Variants in FILIP1 observed in about 807,000 individuals in gnomAD.
FILIP1 encodes filamin-A-interacting protein 1.
FILIP1 carries 61 observed loss-of-function variants against 102.1 expected under a neutral mutation model. The observed-to-expected ratio is 0.60, with a 90% confidence interval of 0.49 to 0.74. FILIP1 has a LOEUF of 0.74. Ranked by LOEUF, FILIP1 falls within the 30% of genes least tolerant of loss-of-function variation. The pLI is 0.00. For missense variants in FILIP1, 1,314 were observed against 1,441.2 expected (o/e 0.91, Z 1.43); for synonymous variants, 491 against 526.9 (o/e 0.93, Z 0.93).
chr6:75,368,149 G>A (rs529725782), intron 2 of FILIP1, among the ~76,000 whole-genome samples: 3 of 152,290 alleles, frequency 2.0e-5, no homozygotes, highest in African/African-American at 7.2e-5. Flanking sequence ...TGGAGGTGTA[G>A]GGAGGCCAAG....
chr6:75,330,879 A>G (rs1171903169), intron 4 of FILIP1, among the ~76,000 whole-genome samples: 3 of 152,198 alleles, frequency 2.0e-5, no homozygotes, highest in African/African-American at 7.2e-5. Flanking sequence ...AAGGACCTGC[A>G]TTATGGACTC....
At chr6:75,466,576 C>T (rs541982815) in intron 1 of FILIP1, among the ~76,000 whole-genome samples, 1 of 152,320 alleles carries the variant, frequency 6.6e-6, no homozygotes, top group South Asian at 2.1e-4. Context: ...GACCCATATT[C>T]TGTCTTCTGT....
downstream of FILIP1, among the ~76,000 whole-genome samples, chr6:75,303,352 AG>A (rs1772895814): frequency 6.6e-6 from 1 of 152,246 alleles, no homozygotes; most frequent in African/African-American, 2.4e-5. Context: ...CTTGTAGAGC[AG>A]GAACATGGCT....
intron 5 of FILIP1, among the ~76,000 whole-genome samples, chr6:75,309,159 A>G (rs1773093134): frequency 6.6e-6 from 1 of 152,090 alleles, no homozygotes; most frequent in South Asian, 2.1e-4. Context: ...CTTACTGAAG[A>G]TGGCCTTAAC....
intron 1 of FILIP1, among the ~76,000 whole-genome samples, chr6:75,462,511 T>C (rs1779053994): frequency 6.6e-6 from 1 of 152,132 alleles, no homozygotes; most frequent in South Asian, 2.1e-4. Flanking sequence ...TAAATCTTGC[T>C]GATAATAAAA....
intron 4 of FILIP1, among the ~76,000 whole-genome samples, chr6:75,337,526 T>C (rs988182534): frequency 5.3e-5 from 8 of 152,096 alleles, no homozygotes; most frequent in African/African-American, 1.9e-4. Flanking sequence ...CAATGCAATA[T>C]GCTTTCATCT....
intron 1 of FILIP1, among the ~76,000 whole-genome samples, chr6:75,442,657 G>A (rs1270978764): frequency 6.6e-6 from 1 of 152,254 alleles, no homozygotes; most frequent in Non-Finnish European, 1.5e-5. Flanking sequence ...GGCAGGCTGA[G>A]GCAGGAGAAT....
chr6:75,385,353 T>G (rs906472023), intron 2 of FILIP1, among the ~76,000 whole-genome samples: 20 of 152,124 alleles, frequency 1.3e-4, no homozygotes, highest in African/African-American at 4.8e-4. Context: ...TAAGAAGCAT[T>G]TGAATGCTAT....
intron 2 of FILIP1, among the ~76,000 whole-genome samples, chr6:75,374,289 A>G (rs1775675828): frequency 6.6e-6 from 1 of 152,200 alleles, no homozygotes; most frequent in African/African-American, 2.4e-5. Flanking sequence ...CTATGCTGAT[A>G]AAGACCTTAG....
chr6:75,348,015 C>T (rs1774650084), intron 4 of FILIP1, among the ~76,000 whole-genome samples: 2 of 151,154 alleles, frequency 1.3e-5, no homozygotes, highest in East Asian at 1.9e-4. Flanking sequence ...GTTTTAAAAT[C>T]TCTATCTACA....
At chr6:75,378,565 AG>A (rs1365321412) in intron 2 of FILIP1, among the ~76,000 whole-genome samples, 1 of 152,144 alleles carries the variant, frequency 6.6e-6, no homozygotes, top group Non-Finnish European at 1.5e-5. Flanking sequence ...TTGTGACTGG[AG>A]GGGGTTATGT....
intron 4 of FILIP1, among the ~76,000 whole-genome samples, 197 bp from the exon 5 acceptor site, chr6:75,315,399 G>C (rs757888492): frequency 6.6e-6 from 1 of 152,156 alleles, no homozygotes; most frequent in African/African-American, 2.4e-5. Context: ...TGGCTAGAAG[G>C]GGGCATGAGG....
At chr6:75,390,558 G>C (rs1334516406) in intron 2 of FILIP1, among the ~76,000 whole-genome samples, 1 of 152,062 alleles carries the variant, frequency 6.6e-6, no homozygotes. Context: ...GAGCAAGAGA[G>C]CAAGGCGAGA....
chr6:75,471,083 C>T (rs1304309423), intron 1 of FILIP1, among the ~76,000 whole-genome samples: 1 of 150,368 alleles, frequency 6.7e-6, no homozygotes, highest in African/African-American at 2.5e-5. Context: ...TCTCTTGAAC[C>T]CGGGAGGTGG....
chr6:75,468,244 T>A (rs2149760015), intron 1 of FILIP1, among the ~76,000 whole-genome samples: 2 of 152,306 alleles, frequency 1.3e-5, no homozygotes, highest in Middle Eastern at 3.4e-3. Flanking sequence ...ATAAGGAGTG[T>A]CAGCTAAAAG....
At chr6:75,292,291 C>A (rs941252474) in exon 7 of FILIP1, 6 of 152,090 alleles carry the variant, frequency 3.9e-5, no homozygotes, top group Non-Finnish European at 8.8e-5. Flanking sequence ...AAAACAAAAT[C>A]TAGATTAAAT....
exon 7 of FILIP1, chr6:75,295,695 C>G: frequency 2.7e-6 from 1 of 370,660 alleles, no homozygotes; most frequent in Non-Finnish European, 4.8e-6. Context: ...TCTTTTGGCA[C>G]ATAGATTGAA....
chr6:75,368,806 A>T (rs1215629160), intron 2 of FILIP1, among the ~76,000 whole-genome samples: 1 of 152,206 alleles, frequency 6.6e-6, no homozygotes, highest in Non-Finnish European at 1.5e-5. Flanking sequence ...ATGAGTTTGG[A>T]TTTTGTCACA....
At chr6:75,487,931 A>G (rs1459143403) in intron 1 of FILIP1, among the ~76,000 whole-genome samples, 1 of 152,150 alleles carries the variant, frequency 6.6e-6, no homozygotes, top group Non-Finnish European at 1.5e-5. Flanking sequence ...TAAAGGAGGT[A>G]GGCAACAGCA....
Sources: gnomAD v4.1 joint callset for allele counts (sites outside exome capture counted in the v4.1 genomes callset) on GRCh38, gnomAD v4.1.1 for gene constraint, MANE v1.5 for transcripts, NCBI Gene and HGNC (gene_info 2026-07-23, HGNC 2026-07-21) for gene names.